The following STXBP5L variants were observed in gnomAD, a reference collection of about 807,000 sequenced individuals.
STXBP5L encodes the protein syntaxin binding protein 5L.
A neutral mutation model predicts 144.5 loss-of-function variants in STXBP5L; 65 were observed. That is an observed-to-expected ratio of 0.45 (90% CI 0.37 to 0.55). STXBP5L has a LOEUF of 0.55. STXBP5L is among the 20% of genes least tolerant of loss of function. The pLI is 0.00. For missense variants in STXBP5L, 1,298 were observed against 1,405.5 expected, an observed-to-expected ratio of 0.92 and a Z score of 1.22; for synonymous variants, 505 against 469.6, an observed-to-expected ratio of 1.08 and a Z score of -0.97.
In STXBP5L at chr3:121,318,523, G is replaced by T. The variant is rs1431197024; in HGVS notation, c.2159G>T (p.Cys720Phe). ...DSPVPLELERCKSPTSDHVNG... is the reference protein window; with the variant it reads ...DSPVPLELERFKSPTSDHVNG... ...CCAGTTCCCCTAGAACTTGAGCGCT[G>T]CAAGTCTCCTACCTCAGGTAAACAT... Residue 720 changes from cysteine (C) to phenylalanine (F), a missense_variant, in exon 20 of 27, where the codon TGC (cysteine) becomes TTC (phenylalanine). Coordinates refer to ENST00000471454, the MANE Select transcript of STXBP5L (RefSeq NM_001308330.2). The T allele has an allele frequency of 6.4e-7, 1 of 1,560,696 alleles. No homozygotes were observed. Among genetic ancestry groups the T allele is most frequent in the Non-Finnish European group, 8.7e-7 (1 of 1,153,016 alleles).
intron 3 of STXBP5L, among the ~76,000 whole-genome samples, chr3:121,028,732 T>G (rs1212324673): frequency 6.6e-6 from 1 of 152,086 alleles, no homozygotes; most frequent in Non-Finnish European, 1.5e-5. Context: ...TAAATTTAAA[T>G]AGTAATCAGT....
At chr3:120,994,198 T>C (rs1316258064) in intron 3 of STXBP5L, among the ~76,000 whole-genome samples, 1 of 152,106 alleles carries the variant, frequency 6.6e-6, no homozygotes, top group Non-Finnish European at 1.5e-5. Context: ...TTTGGTGCAG[T>C]CTTTAAGTTT....
rs566169084 is a variant in STXBP5L, at chr3:121,106,421, A to G, written c.471-8504A>G. ...TTTCCCTCCCTCCCAACCTCCGCCA[A>G]CAGGCCCCAGTGTGTGTTGTTCCCC... On this transcript the variant is annotated intron_variant, in intron 5 of 26. Coordinates refer to ENST00000471454, the MANE Select transcript of STXBP5L (RefSeq NM_001308330.2). 5.9e-5 allele frequency among the ~76,000 whole-genome samples: 9 copies of G among 152,024 alleles called. No individual in the cohort carries two copies. The South Asian group carries it at 1.5e-3, about 25-fold the overall frequency.
chr3:121,067,599 A>G (rs1332074109), intron 5 of STXBP5L, among the ~76,000 whole-genome samples: 1 of 152,168 alleles, frequency 6.6e-6, no homozygotes, highest in Non-Finnish European at 1.5e-5. Flanking sequence ...ACTAGGTTCA[A>G]TGTACTATAT....
chr3:120,970,102 T>C (rs1461176387), intron 3 of STXBP5L, among the ~76,000 whole-genome samples: 1 of 152,040 alleles, frequency 6.6e-6, no homozygotes, highest in Non-Finnish European at 1.5e-5. Flanking sequence ...ATAATTTGAT[T>C]TATTGGTGTT....
chr3:121,376,907 G>C (rs189878457), intron 20 of STXBP5L, among the ~76,000 whole-genome samples: 6 of 152,118 alleles, frequency 3.9e-5, no homozygotes, highest in Non-Finnish European at 8.8e-5. Flanking sequence ...ATTTCTTTGA[G>C]CAGTAGTTTG....
chr3:121,006,708 T>G (rs529839822), intron 3 of STXBP5L, among the ~76,000 whole-genome samples: 8 of 152,302 alleles, frequency 5.3e-5, no homozygotes, highest in African/African-American at 1.9e-4. Context: ...CTTTCTATGT[T>G]TAGTGCCTCC....
rs559649239 is a variant in STXBP5L at position 121,080,395 on chromosome 3, A to T, written c.471-34530A>T. Among the ~76,000 whole-genome samples, 328 of 151,382 alleles carry T rather than the reference A, an allele frequency of 2.2e-3. 3 individuals are homozygous for T. The highest frequency in any genetic ancestry group is 3.5e-3 in the Non-Finnish European group (240 of 67,762). ...TTGCCTAAATACTTTGTTTTTTTTT[A>T]AATTGTGTTATTGTTTTATAGGCCC... On this transcript the variant is annotated intron_variant, in intron 5 of 26. Coordinates refer to ENST00000471454, the MANE Select transcript of STXBP5L (RefSeq NM_001308330.2).
intron 7 of STXBP5L, among the ~76,000 whole-genome samples, chr3:121,126,675 C>A (rs896017329): frequency 6.6e-6 from 1 of 152,060 alleles, no homozygotes; most frequent in East Asian, 1.9e-4. Flanking sequence ...GTGTTAGTTT[C>A]CCATTGTCAA....
intron 22 of STXBP5L, among the ~76,000 whole-genome samples, chr3:121,394,453 G>A (rs557886960): frequency 1.3e-5 from 2 of 151,826 alleles, no homozygotes; most frequent in South Asian, 4.2e-4. Flanking sequence ...TTGCATAGGA[G>A]TGGTGAAAGT....
chr3:121,006,360 G>A (rs111461227), intron 3 of STXBP5L, among the ~76,000 whole-genome samples: 4 of 152,008 alleles, frequency 2.6e-5, no homozygotes, highest in Non-Finnish European at 4.4e-5. Context: ...TTTTATCAGA[G>A]ACTAGGATTG....
intron 3 of STXBP5L, among the ~76,000 whole-genome samples, chr3:120,966,065 C>G (rs975592166): frequency 6.6e-6 from 1 of 152,056 alleles, no homozygotes. Context: ...TCCACTTGAT[C>G]GAATCAGCTT....
intron 20 of STXBP5L, among the ~76,000 whole-genome samples, chr3:121,355,752 G>T (rs1051235155): frequency 6.6e-6 from 1 of 152,098 alleles, no homozygotes; most frequent in African/African-American, 2.4e-5. Flanking sequence ...TGCAATCCTT[G>T]GGAGGAGAAG....
chr3:121,197,748 T>A (rs1430035356), intron 9 of STXBP5L, among the ~76,000 whole-genome samples: 2 of 152,160 alleles, frequency 1.3e-5, no homozygotes, highest in Non-Finnish European at 2.9e-5. Flanking sequence ...AGTGAGAGTT[T>A]GGTTTTCTGT....
intron 2 of STXBP5L, among the ~76,000 whole-genome samples, chr3:120,922,537 G>C (rs1709408198): frequency 6.6e-6 from 1 of 151,888 alleles, no homozygotes; most frequent in Non-Finnish European, 1.5e-5. Flanking sequence ...TCCTTGTCTT[G>C]CTCCAGACTT....
intron 20 of STXBP5L, among the ~76,000 whole-genome samples, chr3:121,340,498 C>G (rs1249514722): frequency 4.8e-5 from 7 of 146,266 alleles, no homozygotes; most frequent in Non-Finnish European, 1.1e-4. Context: ...CACCCCCCGA[C>G]AGGCCCCGGT....
At chr3:121,044,244 G>A (rs1947355305) in intron 4 of STXBP5L, among the ~76,000 whole-genome samples, 1 of 151,972 alleles carries the variant, frequency 6.6e-6, no homozygotes, top group African/African-American at 2.4e-5. Context: ...CTTTGATTAT[G>A]TTTCTATTTT....
At chr3:121,090,724 T>G (rs1309230987) in intron 5 of STXBP5L, among the ~76,000 whole-genome samples, 2 of 152,132 alleles carry the variant, frequency 1.3e-5, no homozygotes, top group Admixed American at 6.5e-5. Context: ...CAGTTTAGCT[T>G]TACTTCATGG....
chr3:121,017,883 C>T (rs1334842241), intron 3 of STXBP5L, among the ~76,000 whole-genome samples: 3 of 151,928 alleles, frequency 2.0e-5, no homozygotes, highest in South Asian at 2.1e-4. Context: ...TCAAGTCTGG[C>T]CCGGGGCAAT....
Sources: allele counts gnomAD v4.1 joint callset (sites outside exome capture counted in the v4.1 genomes callset), GRCh38; gene constraint gnomAD v4.1.1; transcripts MANE v1.5; gene names NCBI Gene and HGNC (gene_info 2026-07-23, HGNC 2026-07-21).